ARB2A: variants seen among roughly 807,000 people sequenced by gnomAD.
ARB2A encodes the protein ARB2 cotranscriptional regulator A.
chr5:93,708,038 T>C, the ARB2A span, among the ~76,000 whole-genome samples: 1 of 152,222 alleles, frequency 6.6e-6, no homozygotes. Context: ...TTCCCCTAGA[T>C]TCAATAATTG....
chr5:93,730,027 T>G, the ARB2A span, among the ~76,000 whole-genome samples: 1 of 152,168 alleles, frequency 6.6e-6, no homozygotes, highest in African/African-American at 2.4e-5. Flanking sequence ...TGTATATATG[T>G]GCACAGAGAA....
At chr5:93,980,752 A>G in the ARB2A span, among the ~76,000 whole-genome samples, 2 of 152,214 alleles carry the variant, frequency 1.3e-5, no homozygotes, top group African/African-American at 2.4e-5. Context: ...TAACTTGACT[A>G]TATTTTGATT....
chr5:93,821,890 G>A, the ARB2A span, among the ~76,000 whole-genome samples: 2 of 146,998 alleles, frequency 1.4e-5, no homozygotes, highest in African/African-American at 5.0e-5. Context: ...CCAAATCAAA[G>A]TTATTTCACA....
chr5:93,961,057 A>G, the ARB2A span, among the ~76,000 whole-genome samples: 1 of 152,170 alleles, frequency 6.6e-6, no homozygotes, highest in Non-Finnish European at 1.5e-5. Flanking sequence ...AGTAATGATG[A>G]TAAGAACAAA....
the ARB2A span, among the ~76,000 whole-genome samples, chr5:93,911,553 T>C: frequency 6.6e-6 from 1 of 151,704 alleles, no homozygotes; most frequent in Non-Finnish European, 1.5e-5. Context: ...AAAGCATTTA[T>C]ATCTAGCAAG....
the ARB2A span, among the ~76,000 whole-genome samples, chr5:93,691,457 G>C: frequency 7.2e-5 from 11 of 152,004 alleles, no homozygotes; most frequent in Middle Eastern, 3.4e-3. Context: ...ACGAAATAAA[G>C]CATGAAGACA....
chr5:94,033,426 G>A, the ARB2A span, among the ~76,000 whole-genome samples: 1 of 151,932 alleles, frequency 6.6e-6, no homozygotes, highest in African/African-American at 2.4e-5. Flanking sequence ...ATATATATAT[G>A]TGATTTTGTT....
chr5:93,994,593 C>T, the ARB2A span, among the ~76,000 whole-genome samples: 1 of 152,060 alleles, frequency 6.6e-6, no homozygotes. Flanking sequence ...TATAGGTTCA[C>T]TTATACACAG....
the ARB2A span, among the ~76,000 whole-genome samples, chr5:94,006,082 A>G: frequency 6.6e-6 from 1 of 152,216 alleles, no homozygotes; most frequent in Admixed American, 6.5e-5. Flanking sequence ...ACCTGTACAT[A>G]AACATTTATA....
At chr5:94,002,957 T>C in the ARB2A span, among the ~76,000 whole-genome samples, 1 of 152,058 alleles carries the variant, frequency 6.6e-6, no homozygotes, top group African/African-American at 2.4e-5. Flanking sequence ...GGCAGCAATA[T>C]GGAAAAAAAC....
At chr5:94,022,522 C>T in the ARB2A span, among the ~76,000 whole-genome samples, 2 of 152,192 alleles carry the variant, frequency 1.3e-5, no homozygotes, top group Non-Finnish European at 2.9e-5. Context: ...CAGGAAAAGA[C>T]ATTTACTCTG....
chr5:93,763,908 T>C, the ARB2A span, among the ~76,000 whole-genome samples: 1 of 152,106 alleles, frequency 6.6e-6, no homozygotes, highest in Non-Finnish European at 1.5e-5. Flanking sequence ...TCAAAACTGC[T>C]CAACTACATG....
chr5:94,022,633 T>A, the ARB2A span, among the ~76,000 whole-genome samples: 25 of 152,350 alleles, frequency 1.6e-4, no homozygotes, highest in East Asian at 4.4e-3. Flanking sequence ...TGAGTTACAT[T>A]TGTTCAGTTA....
chr5:93,701,855 C>T, the ARB2A span, among the ~76,000 whole-genome samples: 1 of 152,162 alleles, frequency 6.6e-6, no homozygotes, highest in African/African-American at 2.4e-5. Context: ...ACTTGCCTGC[C>T]GTAAATGAGT....
chr5:93,900,156 A>T, the ARB2A span, among the ~76,000 whole-genome samples: 1,074 of 152,322 alleles, frequency 7.1e-3, 17 homozygotes, highest in African/African-American at 0.024. Context: ...TAGGCTTGAA[A>T]GTAACATAAA....
At chr5:93,990,312 T>C in the ARB2A span, among the ~76,000 whole-genome samples, 1,050 of 152,210 alleles carry the variant, frequency 6.9e-3, 8 homozygotes, top group Non-Finnish European at 0.012. Flanking sequence ...ATTAACACTA[T>C]GCCTCTTTAT....
chr5:93,763,198 A>G, the ARB2A span, among the ~76,000 whole-genome samples: 1 of 152,200 alleles, frequency 6.6e-6, no homozygotes, highest in African/African-American at 2.4e-5. Flanking sequence ...ACATAACAAT[A>G]TTAACCTTAA....
the ARB2A span, among the ~76,000 whole-genome samples, chr5:93,822,232 C>G: frequency 6.6e-6 from 1 of 152,130 alleles, no homozygotes; most frequent in Non-Finnish European, 1.5e-5. Context: ...CCCTAATAGC[C>G]TCAAGGTCAG....
the ARB2A span, among the ~76,000 whole-genome samples, chr5:93,648,017 C>T: frequency 1.3e-5 from 2 of 151,832 alleles, no homozygotes; most frequent in Admixed American, 1.3e-4. Flanking sequence ...GTGGTGCACA[C>T]CTGTAGCCCC....
Sources: allele counts gnomAD v4.1 joint callset (sites outside exome capture counted in the v4.1 genomes callset), GRCh38; gene constraint gnomAD v4.1.1; transcripts MANE v1.5; gene names NCBI Gene and HGNC (gene_info 2026-07-23, HGNC 2026-07-21).